The following PDGFRL variants were observed in gnomAD, a reference collection of about 807,000 sequenced individuals.
The protein encoded by PDGFRL is platelet-derived growth factor receptor-like protein.
In PDGFRL, 46 loss-of-function variants were observed where a neutral mutation model predicts 37.2. The ratio of observed to expected loss-of-function variants is 1.24; its 90% CI spans 0.98 to 1.58. The LOEUF is 1.58. PDGFRL is among the 40% of genes most tolerant of loss of function. PDGFRL has a pLI of 0.00. For missense variants in PDGFRL, 692 were observed against 467.6 expected, an observed-to-expected ratio of 1.48 and a Z score of -4.43; for synonymous variants, 251 against 184.3, an observed-to-expected ratio of 1.36 and a Z score of -2.93.
rs1203470714 is a variant in PDGFRL, at chr8:17,621,682, C to G, written c.505+480C>G. ...CTAATGGCTATTGTACTAGACAGCA[C>G]AGAGAGAGAACATTCCCTTTATCAC... On this transcript the variant is annotated intron_variant, in intron 3 of 5. Coordinates refer to ENST00000251630, the MANE Select transcript of PDGFRL (RefSeq NM_001372073.1). Among the ~76,000 whole-genome samples, 3 of 152,288 alleles carry G rather than the reference C, an allele frequency of 2.0e-5. No homozygotes were observed. The East Asian group carries it at 5.8e-4, about 29-fold the overall frequency.
At chr8:17,603,816 A>C (rs994925220) in intron 2 of PDGFRL, among the ~76,000 whole-genome samples, 1 of 152,176 alleles carries the variant, frequency 6.6e-6, no homozygotes, top group African/African-American at 2.4e-5. Context: ...TAACCGAAGT[A>C]TGCTGTCAAG....
At chr8:17,585,365 C>G (rs1012787234) in intron 1 of PDGFRL, among the ~76,000 whole-genome samples, 7 of 149,162 alleles carry the variant, frequency 4.7e-5, no homozygotes, top group African/African-American at 1.8e-4. Flanking sequence ...AAGATGGAGT[C>G]TCTCTGGTTC....
chr8:17,642,520 T>C, intron 5 of PDGFRL, 93 bp from the exon 6 acceptor site: 1 of 755,608 alleles, frequency 1.3e-6, no homozygotes, highest in South Asian at 1.5e-5. Flanking sequence ...TGCTTTGCTC[T>C]CTGAAAGGAA....
intron 3 of PDGFRL, 65 bp from the exon 4 acceptor site, chr8:17,628,422 C>G (rs186834345): frequency 1.0e-4 from 138 of 1,328,850 alleles, no homozygotes; most frequent in African/African-American, 3.7e-4. Context: ...CTGCCAAAAT[C>G]CTTAAGGGTG....
chr8:17,608,433 A>G (rs529199977), intron 2 of PDGFRL, among the ~76,000 whole-genome samples: 33 of 152,266 alleles, frequency 2.2e-4, no homozygotes, highest in African/African-American at 7.7e-4. Context: ...ACGTGCCCTC[A>G]TGCGTTTATT....
At chr8:17,581,212 C>G (rs1418289763) in intron 1 of PDGFRL, among the ~76,000 whole-genome samples, 1 of 152,024 alleles carries the variant, frequency 6.6e-6, no homozygotes, top group Non-Finnish European at 1.5e-5. Flanking sequence ...CATAAGCCTG[C>G]CTGAAACAAG....
chr8:17,634,155 C>T lies in PDGFRL; in HGVS notation c.881C>T (p.Thr294Ile), dbSNP rs1804920859. ...KSGDDISVLC[T>I]VLGEPDVEVE... The stretch of plus-strand genomic sequence containing the variant: ...GGGGACGACATCAGTGTGCTCTGCA[C>T]TGTCCTGGGGGAGCCCGATGTGGAG... The change falls in exon 5 of 6, where the codon ACT (threonine) becomes ATT (isoleucine). Residue 294 changes from threonine to isoleucine, a missense_variant. Thr to Ile is a moderately conservative substitution (Grantham distance 89). Transcript: ENST00000251630. 2 of 1,613,406 alleles carry T rather than the reference C, an allele frequency of 1.2e-6. No individual in the cohort carries two copies. Among genetic ancestry groups the T allele is most frequent in the Non-Finnish European group, 8.5e-7 (1 of 1,179,302 alleles).
chr8:17,638,058 C>T (rs1016292456), intron 5 of PDGFRL, among the ~76,000 whole-genome samples: 1 of 152,038 alleles, frequency 6.6e-6, no homozygotes, highest in African/African-American at 2.4e-5. Context: ...CAGTTCTGCT[C>T]AGATCTTTAT....
chr8:17,624,521 C>G (rs28457213), intron 3 of PDGFRL, among the ~76,000 whole-genome samples: 2,818 of 152,218 alleles, frequency 0.019, 89 homozygotes, highest in African/African-American at 0.064. Flanking sequence ...AACTCCCACC[C>G]AGATCAAGGA....
chr8:17,634,255 C>G (rs762787165), intron 5 of PDGFRL, 42 bp downstream of exon 5: 77 of 1,524,248 alleles, frequency 5.1e-5, no homozygotes, highest in Non-Finnish European at 6.2e-5. Context: ...GTCTCAGCCT[C>G]TGCATCTCAG....
chr8:17,620,982 C>T lies in PDGFRL; in HGVS notation c.354-69C>T, dbSNP rs569963669. On this transcript the variant is annotated intron_variant, in intron 2 of 5. Coordinates refer to ENST00000251630, the MANE Select transcript of PDGFRL (RefSeq NM_001372073.1). The stretch of plus-strand genomic sequence containing the variant: ...AAGTCTGCCCAGAGAACAGTGGAGC[C>T]GAGTGTGACAGCTGGAGGGCCCCAG... 3.5e-5 allele frequency: 42 copies of T among 1,183,712 alleles called. No homozygotes were observed. The Admixed American group carries it at 7.8e-4, about 22-fold the overall frequency. 73.3% of individuals were successfully genotyped at this position (1,183,712 alleles called of 1,614,324 possible). A position where few individuals can be genotyped will look rare whatever the true frequency, so the allele number is the denominator to read the frequency against.
chr8:17,597,401 C>T (rs1804076757), intron 2 of PDGFRL, among the ~76,000 whole-genome samples: 3 of 152,246 alleles, frequency 2.0e-5, no homozygotes, highest in Non-Finnish European at 4.4e-5. Flanking sequence ...CTGACTGCTT[C>T]ATCTTTTCCT....
rs763725461 is a variant in PDGFRL, at chr8:17,577,298, C to G, written c.46C>G (p.Leu16Val). The change falls in exon 1 of 6, where the codon CTG becomes GTG. Residue 16 changes from leucine to valine, a missense_variant. Leu to Val is a conservative substitution (Grantham distance 32). Coordinates refer to ENST00000251630, the MANE Select transcript of PDGFRL (RefSeq NM_001372073.1). ...LLGLLLVHEA[L>V]EDVTGQHLPK... ...TGGTCTTCTGCTGGTGCACGAAGCG[C>G]TGGAGGATGGTGAGTGACTCTGGGC... The G allele has an allele frequency of 1.2e-6, 2 of 1,612,830 alleles. No individual in the cohort carries two copies. Among genetic ancestry groups the G allele is most frequent in the African/African-American group, 2.7e-5 (2 of 74,860 alleles).
intron 5 of PDGFRL, among the ~76,000 whole-genome samples, chr8:17,637,729 AC>A (rs1158679280): frequency 1.3e-5 from 2 of 152,080 alleles, no homozygotes; most frequent in East Asian, 3.9e-4. Flanking sequence ...TTTTTAAATT[AC>A]CATTTCAATC....
chr8:17,587,691 G>T (rs1257779998), intron 1 of PDGFRL, among the ~76,000 whole-genome samples: 1 of 150,428 alleles, frequency 6.6e-6, no homozygotes, highest in African/African-American at 2.5e-5. Context: ...GCAGTGGTGT[G>T]ATCTCGGCTC....
At chr8:17,630,263 C>T (rs960217541) in intron 4 of PDGFRL, among the ~76,000 whole-genome samples, 5 of 152,242 alleles carry the variant, frequency 3.3e-5, no homozygotes, top group African/African-American at 9.6e-5. Context: ...CTTGACAGAA[C>T]TGAAACATGA....
intron 5 of PDGFRL, among the ~76,000 whole-genome samples, chr8:17,638,780 T>TATAA (rs1805031337): frequency 8.7e-6 from 1 of 115,020 alleles, no homozygotes; most frequent in Non-Finnish European, 1.9e-5. Flanking sequence ...TATATATATA[T>TATAA]ATATATAATT....
intron 5 of PDGFRL, among the ~76,000 whole-genome samples, chr8:17,636,763 C>T (rs1385867436): frequency 6.6e-6 from 1 of 152,090 alleles, no homozygotes; most frequent in Non-Finnish European, 1.5e-5. Flanking sequence ...GATGTGTTTC[C>T]ATTTGTTTGT....
At chr8:17,623,288 T>C (rs1804667203) in intron 3 of PDGFRL, among the ~76,000 whole-genome samples, 1 of 152,158 alleles carries the variant, frequency 6.6e-6, no homozygotes, top group Non-Finnish European at 1.5e-5. Context: ...TAACTGGTGT[T>C]GTCAGGAGAA....
Sources: gnomAD v4.1 joint callset for allele counts (sites outside exome capture counted in the v4.1 genomes callset) on GRCh38, gnomAD v4.1.1 for gene constraint, MANE v1.5 for transcripts, NCBI Gene and HGNC (gene_info 2026-07-23, HGNC 2026-07-21) for gene names.